The following PREX1 variants were observed in gnomAD, a reference collection of about 807,000 sequenced individuals.
The protein encoded by PREX1 is phosphatidylinositol 3,4,5-trisphosphate-dependent Rac exchanger 1 protein.
In PREX1, 41 loss-of-function variants were observed where a neutral mutation model predicts 198.3. The observed-to-expected ratio is 0.21, with a 90% CI of 0.16 to 0.27. The LOEUF (loss-of-function observed/expected upper bound fraction) is 0.27. Ranked by LOEUF, PREX1 falls within the 10% of genes least tolerant of loss-of-function variation. The pLI is 1.00. For synonymous variants in PREX1, 843 were observed against 887.2 expected, an observed-to-expected ratio of 0.95 and a Z score of 0.89; for missense variants, 1,620 against 2,200.7, an observed-to-expected ratio of 0.74 and a Z score of 5.28.
chr20:48,809,998 A>C (rs1030877889), intron 1 of PREX1, among the ~76,000 whole-genome samples: 1 of 152,178 alleles, frequency 6.6e-6, no homozygotes, highest in Non-Finnish European at 1.5e-5. Context: ...AAGAAGGACC[A>C]CTCACAAACT....
chr20:48,643,462 T>C (rs1449532174), intron 27 of PREX1, among the ~76,000 whole-genome samples: 2 of 150,774 alleles, frequency 1.3e-5, no homozygotes. Context: ...AGTGAGACTC[T>C]GTCTCAAAAA....
the PREX1 span, among the ~76,000 whole-genome samples, chr20:48,865,489 G>A: frequency 6.6e-6 from 1 of 152,146 alleles, no homozygotes; most frequent in Admixed American, 6.5e-5. Flanking sequence ...AAACTGTTAA[G>A]GGTGAAAAAG....
chr20:48,732,274 G>A (rs564784004), intron 4 of PREX1, among the ~76,000 whole-genome samples: 1 of 152,324 alleles, frequency 6.6e-6, no homozygotes, highest in South Asian at 2.1e-4. Context: ...GTTCACTGGA[G>A]CCGGGCCAAG....
chr20:48,737,180 A>G (rs2090060143), intron 3 of PREX1, among the ~76,000 whole-genome samples: 1 of 147,722 alleles, frequency 6.8e-6, no homozygotes, highest in Non-Finnish European at 1.5e-5. Flanking sequence ...TTTTTATTGA[A>G]CAGGGTAGGG....
the PREX1 span, among the ~76,000 whole-genome samples, chr20:48,849,023 C>T: frequency 6.6e-6 from 1 of 151,992 alleles, no homozygotes; most frequent in African/African-American, 2.4e-5. Context: ...CAGGCGTGAG[C>T]CACCATGCCT....
chr20:48,645,253 C>T (rs1320956807), intron 26 of PREX1, among the ~76,000 whole-genome samples: 1 of 152,252 alleles, frequency 6.6e-6, no homozygotes, highest in East Asian at 1.9e-4. Context: ...TAAGATTCCA[C>T]TGTAACCACC....
chr20:48,759,848 T>C (rs974345510), intron 1 of PREX1, among the ~76,000 whole-genome samples: 1 of 152,126 alleles, frequency 6.6e-6, no homozygotes. Context: ...CTCACACCTG[T>C]AATCCTAACA....
At chr20:48,776,746 C>T (rs765280228) in intron 1 of PREX1, among the ~76,000 whole-genome samples, 28 of 152,178 alleles carry the variant, frequency 1.8e-4, no homozygotes, top group Non-Finnish European at 2.9e-4. Context: ...TGCGGGCACA[C>T]GTGAAGATTC....
At chr20:48,696,048 T>C (rs1384811196) in intron 7 of PREX1, among the ~76,000 whole-genome samples, 1 of 152,268 alleles carries the variant, frequency 6.6e-6, no homozygotes, top group Non-Finnish European at 1.5e-5. Context: ...CTTTTCACAG[T>C]CTGTGGCTTG....
chr20:48,751,266 G>A (rs1216791031), intron 1 of PREX1, among the ~76,000 whole-genome samples: 2 of 152,192 alleles, frequency 1.3e-5, no homozygotes, highest in East Asian at 3.8e-4. Flanking sequence ...ATACTGACAG[G>A]AAGTCAAGCT....
Position 48,727,620 on chromosome 20 carries a change from G to GTT in PREX1, c.520-1231_520-1230dup, listed in dbSNP as rs368065318. Among the ~76,000 whole-genome samples the GTT allele has an allele frequency of 1.5e-3, 223 of 152,208 alleles. 1 individual carries two copies. The highest frequency in any genetic ancestry group is 5.1e-3 in the African/African-American group (212 of 41,510). On this transcript the variant is annotated intron_variant, in intron 4 of 39. Transcript: ENST00000371941. ...AGCTTAGATCCCTGGGGTGTGAGAG[G>GTT]TTTAGTCTTTTACTCCAAGACCATC... is the stretch of plus-strand genomic sequence containing the variant.
chr20:48,836,058 C>T, the PREX1 span, among the ~76,000 whole-genome samples: 3 of 152,258 alleles, frequency 2.0e-5, no homozygotes, highest in South Asian at 2.1e-4. Context: ...TAGTGGCTCA[C>T]GCCTATAATC....
intron 1 of PREX1, among the ~76,000 whole-genome samples, chr20:48,752,593 T>C (rs1184525455): frequency 6.6e-6 from 1 of 152,132 alleles, no homozygotes; most frequent in Non-Finnish European, 1.5e-5. Context: ...AAAAGACAGA[T>C]GAGGAAACTG....
At chr20:48,843,721 C>T in the PREX1 span, among the ~76,000 whole-genome samples, 15 of 152,098 alleles carry the variant, frequency 9.9e-5, no homozygotes, top group Non-Finnish European at 2.1e-4. Context: ...TCTAAGAATC[C>T]GGACAAGCAA....
At position 48,653,258 on chromosome 20, in the gene PREX1, C is replaced by A. The variant is rs149592337; in HGVS notation, c.2346+103G>T. 489 of 1,508,158 alleles carry A rather than the reference C, an allele frequency of 3.2e-4. 3 individuals carry two copies. In the African/African-American group the frequency reaches 6.3e-3, roughly 19 times the overall value. The allele number at this position is 1,508,158 out of a possible 1,614,324, so 93.4% of individuals were successfully genotyped here. A position where few individuals can be genotyped will look rare whatever the true frequency, so the allele number is the denominator to read the frequency against. On this transcript the variant is annotated intron_variant, in intron 20 of 39. Transcript: ENST00000371941. ...GTCAGCAGCTCCACCCTACTCACAA[C>A]CAGTGGTACATGCAGGCTTTTCTCT...
chr20:48,785,016 C>T (rs1998288), intron 1 of PREX1, among the ~76,000 whole-genome samples: 95,566 of 151,726 alleles, frequency 0.63, 31,042 homozygotes, highest in African/African-American at 0.79. Flanking sequence ...CAGGTTCAAA[C>T]GATTCTCCTA....
chr20:48,779,187 T>C (rs1030138649), intron 1 of PREX1, among the ~76,000 whole-genome samples: 1 of 152,198 alleles, frequency 6.6e-6, no homozygotes, highest in African/African-American at 2.4e-5. Flanking sequence ...ATTAAAAAAC[T>C]TGAACATTTT....
In PREX1 at chr20:48,744,076, C is replaced by T. The variant is rs371868986; in HGVS notation, c.414+949G>A. Among the ~76,000 whole-genome samples the T allele has an allele frequency of 3.9e-5, 6 of 152,268 alleles. No individual in the cohort carries two copies. The East Asian group carries it at 9.6e-4, about 24-fold the overall frequency. On this transcript the variant is annotated intron_variant, in intron 3 of 39. Coordinates refer to ENST00000371941, the MANE Select transcript of PREX1 (RefSeq NM_020820.4). Reference sequence around the variant, plus strand: ...GTGCTGATACACCAAAGTTTCTCCACCTTGGCACCACTGACATTTGAGGTC... The same window carrying T: ...GTGCTGATACACCAAAGTTTCTCCATCTTGGCACCACTGACATTTGAGGTC...
chr20:48,859,882 G>T, the PREX1 span, among the ~76,000 whole-genome samples: 1 of 152,220 alleles, frequency 6.6e-6, no homozygotes, highest in Non-Finnish European at 1.5e-5. Context: ...GCCAGGCATG[G>T]TGGCGCATGC....
Sources: allele counts gnomAD v4.1 joint callset (sites outside exome capture counted in the v4.1 genomes callset), GRCh38; gene constraint gnomAD v4.1.1; transcripts MANE v1.5; gene names NCBI Gene and HGNC (gene_info 2026-07-23, HGNC 2026-07-21).